TCF3: variants seen among roughly 807,000 people sequenced by gnomAD.
TCF3 encodes the protein transcription factor 3.
A neutral mutation model predicts 72.3 loss-of-function variants in TCF3; 54 were observed. That is an observed-to-expected ratio of 0.75 (90% CI 0.60 to 0.94). TCF3 has a LOEUF of 0.94. TCF3 is among the 40% of genes least tolerant of loss of function. TCF3 has a pLI of 0.00. For synonymous variants in TCF3, 525 were observed against 412.6 expected (o/e 1.27, Z -3.30); for missense variants, 1,078 against 934.4 (o/e 1.15, Z -2.00).
intron 2 of TCF3, among the ~76,000 whole-genome samples, chr19:1,648,982 A>AG (rs561248143): frequency 8.2e-4 from 125 of 152,282 alleles, no homozygotes; most frequent in Middle Eastern, 6.8e-3. Flanking sequence ...CCGGTACCCC[A>AG]GGGGGCTCCG....
chr19:1,626,082 T>G (rs2062844659), intron 6 of TCF3, among the ~76,000 whole-genome samples: 1 of 152,184 alleles, frequency 6.6e-6, no homozygotes, highest in Non-Finnish European at 1.5e-5. Flanking sequence ...TCTGTACATG[T>G]TAGTGTGAAA....
At chr19:1,647,583 G>A (rs532248693) in intron 2 of TCF3, among the ~76,000 whole-genome samples, 4 of 152,264 alleles carry the variant, frequency 2.6e-5, no homozygotes, top group African/African-American at 9.6e-5. Flanking sequence ...CGCGCTGAAG[G>A]CAGTGTTCGC....
Position 1,622,433 on chromosome 19 carries a change from G to GT in TCF3, c.550-19dup. Reference sequence around the variant, plus strand: ...GGGTACACCTGCGGGCGGGTGGGCGGTGGGGGGTGCAGTCAGGACGGAGGG... The same window carrying GT: ...GGGTACACCTGCGGGCGGGTGGGCGGTTGGGGGGTGCAGTCAGGACGGAGGG... On this transcript the variant is annotated intron_variant, in intron 8 of 18. Coordinates refer to ENST00000262965, the MANE Select transcript of TCF3 (RefSeq NM_003200.5). The GT allele has an allele frequency of 7.8e-7, 1 of 1,274,076 alleles. No homozygotes were observed. The highest frequency in any genetic ancestry group is 1.1e-6 in the Non-Finnish European group (1 of 943,582). The allele number at this position is 1,274,076 out of a possible 1,614,324, so 78.9% of individuals were successfully genotyped here.
intron 18 of TCF3, among the ~76,000 whole-genome samples, chr19:1,613,372 G>A (rs1024839896): frequency 2.0e-5 from 3 of 152,124 alleles, no homozygotes; most frequent in African/African-American, 7.2e-5. Flanking sequence ...TTCTGTGGAG[G>A]GAGATGGGGC....
chr19:1,616,293 T>C (rs2061540277), intron 16 of TCF3, among the ~76,000 whole-genome samples: 1 of 151,860 alleles, frequency 6.6e-6, no homozygotes, highest in Admixed American at 6.6e-5. Flanking sequence ...GCTAACATGG[T>C]GAAACCCCAT....
intron 2 of TCF3, among the ~76,000 whole-genome samples, chr19:1,648,983 G>C (rs774244516): frequency 7.2e-5 from 11 of 152,074 alleles, no homozygotes; most frequent in Middle Eastern, 3.4e-3. Context: ...CGGTACCCCA[G>C]GGGGCTCCGG....
chr19:1,628,965 G>A (rs12984461), intron 5 of TCF3, among the ~76,000 whole-genome samples: 1 of 70,070 alleles, frequency 1.4e-5, no homozygotes, highest in Non-Finnish European at 2.8e-5. Flanking sequence ...GGACAGCAGA[G>A]CTCACAGGGG....
At position 1,619,809 on chromosome 19, in the gene TCF3, G is replaced by A. The variant is rs145776177; in HGVS notation, c.1138C>T (p.Pro380Ser). 4 of 1,571,144 alleles carry A rather than the reference G, an allele frequency of 2.5e-6. No homozygotes were observed. The highest frequency in any genetic ancestry group is 1.8e-5 in the Admixed American group (1 of 54,234). ...CCGTGGAGACCCCCGTCGTAGCTGG[G>A]CGATAAGGCACCGGGGGCTCCTGCT... ...PRAGAPGALS[P>S]SYDGGLHGLQ... Residue 380 changes from proline (P) to serine (S), a missense_variant, in exon 14 of 19, where the codon CCC becomes TCC. Pro to Ser is a moderately conservative substitution (Grantham distance 74, BLOSUM62 -1). Transcript: ENST00000262965.
chr19:1,619,696 A>C, intron 14 of TCF3, 84 bp downstream of exon 14: 1 of 1,335,870 alleles, frequency 7.5e-7, no homozygotes, highest in Non-Finnish European at 1.0e-6. Context: ...CAAGAAACTA[A>C]CAAAAAGGTT....
At chr19:1,634,431 G>A (rs1363892167) in intron 3 of TCF3, among the ~76,000 whole-genome samples, 2 of 152,258 alleles carry the variant, frequency 1.3e-5, no homozygotes, top group Non-Finnish European at 2.9e-5. Context: ...AGGCCTGCGA[G>A]TGGACGGCGC....
chr19:1,640,096 C>T (rs1029031819), intron 3 of TCF3, among the ~76,000 whole-genome samples: 23 of 152,188 alleles, frequency 1.5e-4, no homozygotes, highest in South Asian at 1.4e-3. Flanking sequence ...AGGACCGCGG[C>T]GCCCTCAGCC....
At chr19:1,624,792 C>T (rs1419434352) in intron 7 of TCF3, among the ~76,000 whole-genome samples, 2 of 152,224 alleles carry the variant, frequency 1.3e-5, no homozygotes, top group East Asian at 3.8e-4. Flanking sequence ...GGGCTCCTGT[C>T]CTTGGTCTAT....
At chr19:1,630,893 G>A (rs1192098905) in intron 5 of TCF3, among the ~76,000 whole-genome samples, 2 of 152,188 alleles carry the variant, frequency 1.3e-5, no homozygotes, top group African/African-American at 2.4e-5. Context: ...GAAGCTCGGG[G>A]CATTTCCTGT....
At chr19:1,647,850 G>A (rs1317305329) in intron 2 of TCF3, among the ~76,000 whole-genome samples, 1 of 152,236 alleles carries the variant, frequency 6.6e-6, no homozygotes, top group Non-Finnish European at 1.5e-5. Context: ...TGGAGCATCA[G>A]TTTCCTCTTC....
chr19:1,647,844 G>T (rs983819864), intron 2 of TCF3, among the ~76,000 whole-genome samples: 15 of 152,232 alleles, frequency 9.9e-5, no homozygotes, highest in African/African-American at 3.4e-4. Flanking sequence ...ACCCCTTGGA[G>T]CATCAGTTTC....
intron 3 of TCF3, among the ~76,000 whole-genome samples, chr19:1,641,375 G>A (rs192948777): frequency 9.4e-4 from 143 of 152,244 alleles, no homozygotes; most frequent in Admixed American, 2.1e-3. Flanking sequence ...ACAGCACTCT[G>A]GGAGGCTGAG....
Position 1,627,242 on chromosome 19 carries a change from G to A in TCF3, c.366+117C>T, listed in dbSNP as rs1000486983. On this transcript the variant is annotated intron_variant, in intron 6 of 18. Coordinates refer to ENST00000262965, the MANE Select transcript of TCF3 (RefSeq NM_003200.5). ...CCTGGCCCAAGCCCAGCCTGGTTTC[G>A]CTATCAGGAAGCAAACATAACCTAG... is the stretch of plus-strand genomic sequence containing the variant. The A allele has an allele frequency of 1.3e-5, 7 of 545,346 alleles. No individual in the cohort carries two copies. The Admixed American group carries it at 2.5e-4, about 20-fold the overall frequency. The allele number at this position is 545,346 out of a possible 1,614,324, so 33.8% of individuals were successfully genotyped here.
chr19:1,619,106 C>T lies in TCF3; in HGVS notation c.1450+5G>A. The T allele has an allele frequency of 2.5e-6, 4 of 1,599,308 alleles. No individual in the cohort carries two copies. The highest frequency in any genetic ancestry group is 3.4e-6 in the Non-Finnish European group (4 of 1,179,700). ...AGTCGGACAGTCCCAAGCTCAAGGG[C>T]TTACCACTGTAGGAGTCGGGAGGCC... On this transcript the variant is annotated splice_donor_5th_base_variant and intron_variant, in intron 16 of 18. Transcript: ENST00000262965.
rs985029982 is a variant in TCF3 at position 1,625,640 on chromosome 19, C to T, written c.435G>A (p.Gly145=). 3.2e-6 allele frequency: 5 copies of T among 1,547,424 alleles called. No homozygotes were observed. Among genetic ancestry groups the T allele is most frequent in the Non-Finnish European group, 4.3e-6 (5 of 1,152,698 alleles). The change falls in exon 7 of 19, where the codon GGG becomes GGA. Residue 145 remains glycine, a synonymous_variant. Coordinates refer to ENST00000262965, the MANE Select transcript of TCF3 (RefSeq NM_003200.5). ...AGTAGGAGGGGTAGTACTGGGAGGT[C>T]CCCTTCATGCCCGAAGGGGACAGGG... is the stretch of plus-strand genomic sequence containing the variant. The part of the protein sequence containing the change: ...PGPLSPSGMK[G]TSQYYPSYSG...
Sources: gnomAD v4.1 joint callset for allele counts (sites outside exome capture counted in the v4.1 genomes callset) on GRCh38, gnomAD v4.1.1 for gene constraint, MANE v1.5 for transcripts, NCBI Gene and HGNC (gene_info 2026-07-23, HGNC 2026-07-21) for gene names.